MYO18A: variants seen among roughly 807,000 people sequenced by gnomAD.
The protein encoded by MYO18A is unconventional myosin-XVIIIa.
A neutral mutation model predicts 235.8 loss-of-function variants in MYO18A; 78 were observed. The ratio of observed to expected loss-of-function variants is 0.33; its 90% CI spans 0.28 to 0.40. The LOEUF is 0.40. Ranked by LOEUF, MYO18A falls within the 10% of genes least tolerant of loss-of-function variation. The pLI is 1.00. For synonymous variants in MYO18A, 977 were observed against 1,077.8 expected (o/e 0.91, Z 1.83); for missense variants, 2,215 against 2,699.3 (o/e 0.82, Z 3.98).
rs1299747032 is a variant in MYO18A, at chr17:29,109,515, CT to C, written c.3331+342del. ...CTGGGCAGATGGCTCCGAAAGGGCA[CT>C]GGGTTTGCTGCTGTGGGCAAAGCTG... On this transcript the variant is annotated intron_variant, in intron 19 of 41. Transcript: ENST00000527372. The surrounding 1 kb of genome is among the most constrained non-coding windows in gnomAD (Gnocchi z 4.1). 6.6e-6 allele frequency among the ~76,000 whole-genome samples: 1 copy of C among 152,196 alleles called. No individual in the cohort carries two copies. The highest frequency in any genetic ancestry group is 1.5e-5 in the Non-Finnish European group (1 of 68,048).
At chr17:29,080,635 G>C (rs2066096983) in intron 41 of MYO18A, 1 of 985,452 alleles carries the variant, frequency 1.0e-6, no homozygotes, top group African/African-American at 1.7e-5. Flanking sequence ...GTCTTCGCCA[G>C]AGCCCCGCCG....
chr17:29,088,242 G>C, intron 37 of MYO18A, among the ~76,000 whole-genome samples: 1 of 151,756 alleles, frequency 6.6e-6, no homozygotes, highest in African/African-American at 2.4e-5. Flanking sequence ...TTTTAGTAGA[G>C]ACAGGGTTTC....
intron 2 of MYO18A, among the ~76,000 whole-genome samples, chr17:29,141,644 G>A (rs1014839339): frequency 6.6e-6 from 1 of 152,184 alleles, no homozygotes; most frequent in Non-Finnish European, 1.5e-5. Flanking sequence ...CCTGCCATGC[G>A]CTGTCCAAGT....
At position 29,090,228 on chromosome 17, in the gene MYO18A, G is replaced by T. The variant is rs189828362; in HGVS notation, c.5389-130C>A. Reference sequence around the variant, plus strand: ...GGAGGGATGCACCTGGGAGGAAAGAGAATGGAGCCCTGGGCCAGAGGCCTC... The same window carrying T: ...GGAGGGATGCACCTGGGAGGAAAGATAATGGAGCCCTGGGCCAGAGGCCTC... On this transcript the variant is annotated intron_variant, in intron 36 of 41. Coordinates refer to ENST00000527372, the MANE Select transcript of MYO18A (RefSeq NM_078471.4). 30 of 1,101,262 alleles carry T rather than the reference G, an allele frequency of 2.7e-5. No individual in the cohort carries two copies. The Admixed American group carries it at 7.6e-4, about 28-fold the overall frequency. The allele number at this position is 1,101,262 out of a possible 1,614,324, so 68.2% of individuals were successfully genotyped here.
In MYO18A at chr17:29,073,633, A is replaced by G. The variant is rs2065912734; in HGVS notation, c.*1137T>C. ...GGGGGCGGCAGATGGGAGCAGCACCAGGCACTGCACTTGGGCTCCCAAGTC... is the reference window on the plus strand; with the variant it reads ...GGGGGCGGCAGATGGGAGCAGCACCGGGCACTGCACTTGGGCTCCCAAGTC... On this transcript the variant is annotated 3_prime_UTR_variant, in exon 42 of 42. Transcript: ENST00000527372. 7.5e-6 allele frequency: 4 copies of G among 536,552 alleles called. No homozygotes were observed. The highest frequency in any genetic ancestry group is 3.2e-5 in the Admixed American group (1 of 31,002). 33.2% of individuals were successfully genotyped at this position (536,552 alleles called of 1,614,324 possible).
At chr17:29,116,610 A>AATGCACACACACACAC (rs2067069023) in intron 10 of MYO18A, among the ~76,000 whole-genome samples, 155 bp from the exon 11 acceptor site, 4 of 58,094 alleles carry the variant, frequency 6.9e-5, no homozygotes, top group Admixed American at 4.2e-4. Context: ...ACTTGGGACA[A>AATGCACACACACACAC]ACGCACACAC....
At chr17:29,102,858 C>T (rs1226669864) in intron 21 of MYO18A, among the ~76,000 whole-genome samples, 2 of 152,242 alleles carry the variant, frequency 1.3e-5, no homozygotes, top group Admixed American at 6.5e-5. Context: ...ACCGAGAGTT[C>T]CTTCCCTCTC....
chr17:29,099,056 G>T, intron 22 of MYO18A, 87 bp from the exon 23 acceptor site: 1 of 1,529,180 alleles, frequency 6.5e-7, no homozygotes, highest in Non-Finnish European at 8.9e-7. Context: ...CACCAGCACA[G>T]GCCCCCAGGG....
Position 29,111,704 on chromosome 17 carries a change from T to G in MYO18A, c.2740+18A>C. 6.2e-7 allele frequency: 1 copy of G among 1,613,186 alleles called. No individual in the cohort carries two copies. The highest frequency in any genetic ancestry group is 8.5e-7 in the Non-Finnish European group (1 of 1,179,560). The stretch of plus-strand genomic sequence containing the variant: ...GTAAGAGGAAGCAGAGGAGCTACCC[T>G]CTAGGGATGCCACCTACCTTTTTTG... On this transcript the variant is annotated intron_variant, in intron 16 of 41. Transcript: ENST00000527372. This position sits in a 1 kb window ranked among gnomAD's most constrained non-coding sequence, Gnocchi z 5.1.
At chr17:29,123,739 T>C (rs868254115) in intron 2 of MYO18A, among the ~76,000 whole-genome samples, 2 of 152,216 alleles carry the variant, frequency 1.3e-5, no homozygotes, top group Non-Finnish European at 2.9e-5. Context: ...GTTCTTTATA[T>C]TTGAAGAACT....
intron 2 of MYO18A, among the ~76,000 whole-genome samples, chr17:29,134,978 TC>T (rs2067562439): frequency 6.6e-6 from 1 of 152,108 alleles, no homozygotes; most frequent in African/African-American, 2.4e-5. Flanking sequence ...AAACTGTCCA[TC>T]TATGGATTAG....
At chr17:29,098,661 T>C (rs532153236) in intron 23 of MYO18A, among the ~76,000 whole-genome samples, 165 bp downstream of exon 23, 1 of 152,282 alleles carries the variant, frequency 6.6e-6, no homozygotes, top group South Asian at 2.1e-4. Flanking sequence ...CGTAAGAGGC[T>C]GTCCAGGGGC....
chr17:29,128,220 G>T, intron 2 of MYO18A: 1 of 1,164,556 alleles, frequency 8.6e-7, no homozygotes, highest in Non-Finnish European at 1.1e-6. Flanking sequence ...GGCGGCTTGG[G>T]ACTAGAAGCT....
intron 41 of MYO18A, chr17:29,076,250 C>T (rs2065973206): frequency 6.6e-6 from 1 of 150,786 alleles, no homozygotes; most frequent in South Asian, 2.1e-4. Flanking sequence ...GCCACACAGC[C>T]AGTATGTAAA....
chr17:29,162,442 C>A (rs975691669), intron 2 of MYO18A, among the ~76,000 whole-genome samples: 8 of 152,156 alleles, frequency 5.3e-5, no homozygotes, highest in African/African-American at 1.9e-4. Flanking sequence ...AACTTTAGGC[C>A]TTGGCATGTG....
intron 21 of MYO18A, among the ~76,000 whole-genome samples, chr17:29,102,052 C>G (rs2066666122): frequency 6.6e-6 from 1 of 152,174 alleles, no homozygotes; most frequent in African/African-American, 2.4e-5. Context: ...CAGTGTTAAC[C>G]AGAGCCTAGA....
At chr17:29,174,308 C>T (rs1276055752) in intron 1 of MYO18A, among the ~76,000 whole-genome samples, 1 of 151,998 alleles carries the variant, frequency 6.6e-6, no homozygotes, top group African/African-American at 2.4e-5. Context: ...GAGTTTGAGA[C>T]CAGCCTAGAC....
chr17:29,114,081 G>A lies in MYO18A; in HGVS notation c.2528C>T (p.Ala843Val), dbSNP rs377102525. ...ERYKEENIEL[A>V]FDDLEPPTDD... is the part of the protein sequence containing the mutation. ...CGTCGGGGGTTCCAAGTCGTCAAAC[G>A]CCAGCTCGATGTTCTCCTGGGAAAG... The change falls in exon 15 of 42, where the codon GCG becomes GTG. Residue 843 changes from alanine to valine, a missense_variant. Physicochemically the swap from Ala to Val is moderately conservative, Grantham distance 64 (BLOSUM62 0). Transcript: ENST00000527372. The A allele has an allele frequency of 1.2e-4, 194 of 1,598,754 alleles. 1 individual carries two copies. Among genetic ancestry groups the A allele is most frequent in the Middle Eastern group, 6.6e-4 (4 of 6,070 alleles).
At chr17:29,110,299 C>T (rs1441375962) in intron 18 of MYO18A, 137 bp downstream of exon 18, 1 of 1,274,032 alleles carries the variant, frequency 7.8e-7, no homozygotes, top group African/African-American at 1.5e-5. Context: ...AGAAGACCCC[C>T]ACCTGCAGCC....
Sources: allele counts gnomAD v4.1 joint callset (sites outside exome capture counted in the v4.1 genomes callset), GRCh38; gene constraint gnomAD v4.1.1; non-coding constraint Gnocchi (gnomAD v3.1); transcripts MANE v1.5; gene names NCBI Gene and HGNC (gene_info 2026-07-23, HGNC 2026-07-21).